CSMD1: variants seen among roughly 807,000 people sequenced by gnomAD.
The protein encoded by CSMD1 is CUB and Sushi multiple domains 1.
CSMD1 carries 213 observed loss-of-function variants against 417.5 expected under a neutral mutation model. That is an observed-to-expected ratio of 0.51 (90% CI 0.46 to 0.57). The LOEUF (loss-of-function observed/expected upper bound fraction) is 0.57, where lower values mean the gene tolerates loss of function less well. Among genes scored for constraint, CSMD1 ranks in the 20% least tolerant of loss-of-function variants. CSMD1 has a pLI of 0.00. For missense variants in CSMD1, 6,923 were observed against 4,529.7 expected (o/e 1.53, Z -15.17); for synonymous variants, 2,862 against 1,736.8 (o/e 1.65, Z -16.11).
chr8:4,341,550 C>T (rs1238844365), intron 3 of CSMD1, among the ~76,000 whole-genome samples: 1 of 152,068 alleles, frequency 6.6e-6, no homozygotes, highest in African/African-American at 2.4e-5. Flanking sequence ...ATTATTTTTC[C>T]TACAGTGTGA....
At chr8:4,726,817 G>A (rs901905992) in intron 1 of CSMD1, among the ~76,000 whole-genome samples, 6 of 152,108 alleles carry the variant, frequency 3.9e-5, no homozygotes, top group African/African-American at 1.4e-4. Flanking sequence ...TTGACTTGAA[G>A]ATATAATTGA....
At chr8:4,375,863 T>G (rs982705275) in intron 3 of CSMD1, among the ~76,000 whole-genome samples, 1 of 152,188 alleles carries the variant, frequency 6.6e-6, no homozygotes, top group Admixed American at 6.5e-5. Context: ...AAATAAAAGA[T>G]GTACACAACT....
In CSMD1 at chr8:3,841,407, A is replaced by G. The variant is rs139490068; in HGVS notation, c.819-87365T>C. ...TCAAGCAATGTGTTTGATTGCTTTT[A>G]TGGAGAAAAGAAGAAAACAACAAAA... On this transcript the variant is annotated intron_variant, in intron 5 of 69. Transcript: ENST00000635120. Among the ~76,000 whole-genome samples the G allele has an allele frequency of 3.2e-4, 49 of 152,230 alleles. No homozygotes were observed. The East Asian group carries it at 6.6e-3, about 20-fold the overall frequency.
intron 10 of CSMD1, among the ~76,000 whole-genome samples, chr8:3,515,696 G>A (rs886837513): frequency 1.3e-5 from 2 of 152,118 alleles, no homozygotes; most frequent in African/African-American, 4.8e-5. Flanking sequence ...ACATATTCTA[G>A]GCCAAAATGA....
chr8:4,205,141 G>A (rs934417432), intron 3 of CSMD1, among the ~76,000 whole-genome samples: 1 of 152,082 alleles, frequency 6.6e-6, no homozygotes, highest in Non-Finnish European at 1.5e-5. Context: ...CAACTCTGTT[G>A]AATGAAATTG....
intron 3 of CSMD1, among the ~76,000 whole-genome samples, chr8:4,297,893 T>C (rs2128871421): frequency 6.6e-6 from 1 of 152,306 alleles, no homozygotes; most frequent in Admixed American, 6.5e-5. Context: ...TTATCGAATG[T>C]TTTAAAAGTA....
intron 3 of CSMD1, among the ~76,000 whole-genome samples, chr8:4,036,467 C>A (rs879846068): frequency 1.3e-5 from 2 of 152,222 alleles, no homozygotes; most frequent in African/African-American, 2.4e-5. Context: ...AAGAAGGTGT[C>A]TGAAAAGAAA....
At chr8:4,160,226 C>A (rs527688848) in intron 3 of CSMD1, among the ~76,000 whole-genome samples, 2 of 152,150 alleles carry the variant, frequency 1.3e-5, no homozygotes, top group South Asian at 4.2e-4. Flanking sequence ...GCTAATTGTT[C>A]TTTCTAAAGT....
chr8:3,057,551 C>T (rs1368291116), intron 49 of CSMD1, among the ~76,000 whole-genome samples: 1 of 89,890 alleles, frequency 1.1e-5, no homozygotes, highest in Admixed American at 1.1e-4. Context: ...TTATTTTATA[C>T]ATGATTTTAT....
intron 1 of CSMD1, among the ~76,000 whole-genome samples, chr8:4,956,989 G>T (rs1809159084): frequency 6.6e-6 from 1 of 152,224 alleles, no homozygotes. Context: ...TGATTCTTGT[G>T]TCTGCTGAAG....
At chr8:4,087,378 C>G (rs983378449) in intron 3 of CSMD1, among the ~76,000 whole-genome samples, 1 of 152,212 alleles carries the variant, frequency 6.6e-6, no homozygotes, top group Non-Finnish European at 1.5e-5. Flanking sequence ...AAGAACATGA[C>G]CTAACACACA....
intron 3 of CSMD1, among the ~76,000 whole-genome samples, chr8:4,200,704 A>T (rs1228750869): frequency 6.6e-6 from 1 of 152,122 alleles, no homozygotes; most frequent in African/African-American, 2.4e-5. Flanking sequence ...AAACATAACA[A>T]TTAAAAAACT....
At chr8:4,119,116 T>G (rs7830248) in intron 3 of CSMD1, among the ~76,000 whole-genome samples, 150,537 of 152,178 alleles carry the variant, frequency 0.99, 74,483 homozygotes, top group South Asian at 1. Context: ...AGAAGGGAGA[T>G]CATTAGGGAA....
At chr8:3,812,301 G>C (rs1801132944) in intron 5 of CSMD1, among the ~76,000 whole-genome samples, 1 of 152,010 alleles carries the variant, frequency 6.6e-6, no homozygotes, top group Non-Finnish European at 1.5e-5. Flanking sequence ...AATCTCACAG[G>C]GTCCTTTTCT....
intron 5 of CSMD1, among the ~76,000 whole-genome samples, chr8:3,852,166 G>C (rs1803955616): frequency 6.6e-6 from 1 of 152,130 alleles, no homozygotes; most frequent in Non-Finnish European, 1.5e-5. Flanking sequence ...GATTCTACAA[G>C]AATCTAGTGG....
intron 26 of CSMD1, among the ~76,000 whole-genome samples, chr8:3,248,725 G>A (rs947652131): frequency 6.6e-6 from 1 of 151,938 alleles, no homozygotes; most frequent in Non-Finnish European, 1.5e-5. Flanking sequence ...CTGCCAAACA[G>A]CTTTGACTAA....
intron 5 of CSMD1, among the ~76,000 whole-genome samples, chr8:3,993,589 C>T (rs1176392437): frequency 1.3e-5 from 2 of 152,140 alleles, no homozygotes; most frequent in Non-Finnish European, 2.9e-5. Context: ...AAACTGTCAC[C>T]CCAGAGTTTC....
At chr8:3,908,548 T>C (rs1327665951) in intron 5 of CSMD1, among the ~76,000 whole-genome samples, 1 of 152,106 alleles carries the variant, frequency 6.6e-6, no homozygotes, top group Non-Finnish European at 1.5e-5. Context: ...AGGGAAACAC[T>C]TTTGTAGCTA....
chr8:4,920,933 AG>A (rs59865204), intron 1 of CSMD1, among the ~76,000 whole-genome samples: 13 of 2,634 alleles, frequency 4.9e-3, no homozygotes, highest in Non-Finnish European at 6.6e-3. Context: ...AAAGAAAGAG[AG>A]AAAGAAAGAA....
Sources: gnomAD v4.1 joint callset for allele counts (sites outside exome capture counted in the v4.1 genomes callset) on GRCh38, gnomAD v4.1.1 for gene constraint, MANE v1.5 for transcripts, NCBI Gene and HGNC (gene_info 2026-07-23, HGNC 2026-07-21) for gene names.